Variants in PTPRE observed in about 807,000 individuals in gnomAD.
PTPRE encodes receptor-type tyrosine-protein phosphatase epsilon.
PTPRE carries 51 observed loss-of-function variants against 102.0 expected under a neutral mutation model. The observed-to-expected ratio is 0.50, with a 90% CI of 0.40 to 0.63. PTPRE has a LOEUF of 0.63. PTPRE is among the 30% of genes least tolerant of loss of function. The pLI, the probability that PTPRE is intolerant of heterozygous loss-of-function variation, is 0.00. For synonymous variants in PTPRE, 345 were observed against 348.2 expected (o/e 0.99, Z 0.10); for missense variants, 752 against 915.1 (o/e 0.82, Z 2.30).
intron 1 of PTPRE, among the ~76,000 whole-genome samples, chr10:127,976,140 AT>A (rs1385940614): frequency 6.6e-6 from 1 of 152,062 alleles, no homozygotes. Context: ...TAGGGCAAAG[AT>A]TTTTTTAAAA....
rs1045361075 is a variant in PTPRE at position 128,084,645 on chromosome 10, G to A, written c.*1739G>A. 3 of 153,222 alleles carry A rather than the reference G, an allele frequency of 2.0e-5. No homozygotes were observed. The highest frequency in any genetic ancestry group is 7.2e-5 in the African/African-American group (3 of 41,472). 9.5% of individuals were successfully genotyped at this position (153,222 alleles called of 1,614,324 possible). A position where few individuals can be genotyped will look rare whatever the true frequency, so the allele number is the denominator to read the frequency against. On this transcript the variant is annotated 3_prime_UTR_variant, in exon 21 of 21. Transcript: ENST00000254667. ...ACAATGATTCAGCATCTCGGCGGAA[G>A]AGGAAAATGGAGCTTTTTGAGGCTC...
intron 10 of PTPRE, among the ~76,000 whole-genome samples, chr10:128,064,736 C>G (rs1209354639): frequency 6.6e-6 from 1 of 152,254 alleles, no homozygotes; most frequent in Non-Finnish European, 1.5e-5. Context: ...CAGTGCTGGG[C>G]TGCTGCCGCG....
chr10:127,915,181 A>G (rs1465113026), intron 1 of PTPRE, among the ~76,000 whole-genome samples: 1 of 152,242 alleles, frequency 6.6e-6, no homozygotes, highest in African/African-American at 2.4e-5. Flanking sequence ...ACTCCTGTAC[A>G]ATCCTAGTTG....
intron 2 of PTPRE, among the ~76,000 whole-genome samples, chr10:128,038,548 A>G (rs1430512193): frequency 6.6e-6 from 1 of 151,784 alleles, no homozygotes; most frequent in Non-Finnish European, 1.5e-5. Flanking sequence ...TGAGCAAACT[A>G]TCACAAGGAC....
At chr10:127,935,056 A>G (rs943074665) in intron 1 of PTPRE, among the ~76,000 whole-genome samples, 4 of 152,102 alleles carry the variant, frequency 2.6e-5, no homozygotes, top group African/African-American at 9.7e-5. Context: ...AGGTGCTCCC[A>G]TCTGTGTTTG....
chr10:127,917,671 A>T (rs559353667), intron 1 of PTPRE, among the ~76,000 whole-genome samples: 16 of 152,134 alleles, frequency 1.1e-4, no homozygotes, highest in South Asian at 2.1e-4. Context: ...TCTCAAAAAA[A>T]TTTTTTTTAT....
chr10:128,004,390 C>A (rs1320379474), intron 2 of PTPRE, among the ~76,000 whole-genome samples: 1 of 152,058 alleles, frequency 6.6e-6, no homozygotes, highest in Non-Finnish European at 1.5e-5. Flanking sequence ...AAAATGAAAC[C>A]TGAACCCACT....
chr10:128,016,141 G>A (rs904299525), intron 2 of PTPRE, among the ~76,000 whole-genome samples: 9 of 152,070 alleles, frequency 5.9e-5, no homozygotes, highest in African/African-American at 1.9e-4. Flanking sequence ...AGGGGACCAG[G>A]GCATGGACCA....
intron 2 of PTPRE, among the ~76,000 whole-genome samples, chr10:127,991,156 G>A (rs1852613297): frequency 6.6e-6 from 1 of 152,202 alleles, no homozygotes; most frequent in African/African-American, 2.4e-5. Flanking sequence ...ACTGGAAAGT[G>A]GATGTCACCG....
intron 1 of PTPRE, among the ~76,000 whole-genome samples, chr10:127,948,154 G>T (rs1201558150): frequency 6.6e-6 from 1 of 152,198 alleles, no homozygotes; most frequent in Non-Finnish European, 1.5e-5. Context: ...ATGGGGAAGG[G>T]TGAGCCTAGG....
chr10:128,060,968 C>G lies in PTPRE; in HGVS notation c.541C>G (p.Leu181Val), dbSNP rs748658717. The G allele has an allele frequency of 1.9e-6, 3 of 1,614,164 alleles. No homozygotes were observed. The highest frequency in any genetic ancestry group is 2.5e-6 in the Non-Finnish European group (3 of 1,180,016). ...CCATTCTAGGGTGATTCTGAGCCAA[C>G]TGGATGGAATTCCCTGTTCAGACTA... ...NDHSRVILSQ[L>V]DGIPCSDYIN... is the part of the protein sequence containing the mutation. The change falls in exon 8 of 21, where the codon CTG (leucine) becomes GTG (valine). Residue 181 changes from leucine to valine, a missense_variant. Coordinates refer to ENST00000254667, the MANE Select transcript of PTPRE (RefSeq NM_006504.6).
Position 128,084,983 on chromosome 10 carries a change from C to T in PTPRE, c.*2077C>T. 1 of 384,196 alleles carries T rather than the reference C, an allele frequency of 2.6e-6. No individual in the cohort carries two copies. 23.8% of individuals were successfully genotyped at this position (384,196 alleles called of 1,614,324 possible). On this transcript the variant is annotated 3_prime_UTR_variant, in exon 21 of 21. Coordinates refer to ENST00000254667, the MANE Select transcript of PTPRE (RefSeq NM_006504.6). ...TTTTCAGGGTGCCCTCAGGAAAGGGCCCTGCTCATGTTTTTTTCCTGTCCC... is the reference window on the plus strand; with the variant it reads ...TTTTCAGGGTGCCCTCAGGAAAGGGTCCTGCTCATGTTTTTTTCCTGTCCC...
chr10:128,022,161 G>A (rs1845940986), intron 2 of PTPRE, among the ~76,000 whole-genome samples: 2 of 152,176 alleles, frequency 1.3e-5, no homozygotes. Flanking sequence ...CATTGAAAGT[G>A]TCTTTACCAT....
At chr10:128,079,104 C>T (rs1851475670) in intron 19 of PTPRE, among the ~76,000 whole-genome samples, 1 of 152,158 alleles carries the variant, frequency 6.6e-6, no homozygotes, top group Admixed American at 6.5e-5. Flanking sequence ...TCCCTTTCAG[C>T]ATCACCTGTT....
At chr10:127,939,495 G>A (rs1346022342) in intron 1 of PTPRE, among the ~76,000 whole-genome samples, 3 of 152,162 alleles carry the variant, frequency 2.0e-5, no homozygotes, top group South Asian at 2.1e-4. Flanking sequence ...CTTCACTGTC[G>A]TTAGCAATTT....
At chr10:128,059,696 A>G (rs1429893868) in intron 7 of PTPRE, among the ~76,000 whole-genome samples, 1 of 152,212 alleles carries the variant, frequency 6.6e-6, no homozygotes, top group Non-Finnish European at 1.5e-5. Flanking sequence ...GGGAAAGGTT[A>G]CAGGAGGAGC....
chr10:127,999,489 G>A lies in PTPRE; in HGVS notation c.-8+17193G>A, dbSNP rs140549542. 11 of 972,958 alleles carry A rather than the reference G, an allele frequency of 1.1e-5. No individual in the cohort carries two copies. In the African/African-American group the frequency reaches 1.8e-4, roughly 15 times the overall value. 60.3% of individuals were successfully genotyped at this position (972,958 alleles called of 1,614,324 possible). On this transcript the variant is annotated intron_variant, in intron 2 of 20. Coordinates refer to ENST00000254667, the MANE Select transcript of PTPRE (RefSeq NM_006504.6). ...GAATCCAACTCGTCCTGGGAGCAGG[G>A]CGCTCTCGCCTTCTGTTCCTCTCCG...
intron 1 of PTPRE, among the ~76,000 whole-genome samples, chr10:127,977,895 G>A (rs1292795037): frequency 6.6e-6 from 1 of 152,174 alleles, no homozygotes; most frequent in Non-Finnish European, 1.5e-5. Context: ...TCTGTTCCCT[G>A]GAAGCAGAGT....
At chr10:128,030,343 C>T (rs938771093) in intron 2 of PTPRE, among the ~76,000 whole-genome samples, 3 of 151,952 alleles carry the variant, frequency 2.0e-5, no homozygotes, top group Non-Finnish European at 2.9e-5. Context: ...GGGAAGCAGG[C>T]GCAGAGAGGT....
Sources: allele counts gnomAD v4.1 joint callset (sites outside exome capture counted in the v4.1 genomes callset), GRCh38; gene constraint gnomAD v4.1.1; transcripts MANE v1.5; gene names NCBI Gene and HGNC (gene_info 2026-07-23, HGNC 2026-07-21).